UBR4: variants seen among roughly 807,000 people sequenced by gnomAD.
UBR4 encodes ubiquitin protein ligase E3 component n-recognin 4, also known as E3 ubiquitin-protein ligase UBR4.
Under a neutral mutation model 575.6 loss-of-function variants are expected in UBR4, and 124 were observed. That is an observed-to-expected ratio of 0.22 (90% CI 0.19 to 0.25). The LOEUF is 0.25. UBR4 is among the 10% of genes least tolerant of loss of function. The probability of loss-of-function intolerance (pLI) is 1.00; values close to 1 mark genes in which losing one functional copy is unlikely to be tolerated. For synonymous variants in UBR4, 2,455 were observed against 2,473.7 expected (o/e 0.99, Z 0.22); for missense variants, 4,818 against 6,478.8 (o/e 0.74, Z 8.80).
At chr1:19,105,286 G>T in intron 84 of UBR4, 97 bp from the exon 85 acceptor site, 1 of 1,402,186 alleles carries the variant, frequency 7.1e-7, no homozygotes, top group Non-Finnish European at 9.6e-7. Flanking sequence ...CCTATCTTCT[G>T]CTGTCTGTCT....
At chr1:19,103,641 A>ACT (rs747248115) in intron 87 of UBR4, among the ~76,000 whole-genome samples, 2 of 152,242 alleles carry the variant, frequency 1.3e-5, no homozygotes, top group Non-Finnish European at 2.9e-5. Context: ...ACATTTGCAC[A>ACT]CAGTGAAGAA....
At chr1:19,124,720 G>C in intron 64 of UBR4, 30 bp from the exon 65 acceptor site, 1 of 1,599,944 alleles carries the variant, frequency 6.3e-7, no homozygotes. Flanking sequence ...ATGAGAACCT[G>C]TGACTATCGA....
At chr1:19,170,195 G>C (rs1433334254) in intron 26 of UBR4, among the ~76,000 whole-genome samples, 2 of 152,124 alleles carry the variant, frequency 1.3e-5, no homozygotes, top group Non-Finnish European at 2.9e-5. Flanking sequence ...TAAATGAAAA[G>C]AACACCAGCC....
intron 60 of UBR4, among the ~76,000 whole-genome samples, chr1:19,133,122 T>C (rs2082728857): frequency 6.6e-6 from 1 of 152,148 alleles, no homozygotes; most frequent in Non-Finnish European, 1.5e-5. Context: ...GCCAGAATAA[T>C]GTGAATACCA....
rs780086479 is a variant in UBR4 at position 19,081,467 on chromosome 1, T to C, written c.15115A>G (p.Thr5039Ala). 1 of 1,613,844 alleles carries C rather than the reference T, an allele frequency of 6.2e-7. No homozygotes were observed. Among genetic ancestry groups the C allele is most frequent in the Non-Finnish European group, 8.5e-7 (1 of 1,179,990 alleles). Residue 5039 changes from threonine (T) to alanine (A), a missense_variant, in exon 103 of 106, where the codon ACA (threonine) becomes GCA (alanine). Around this residue, in one of 29 missense-constraint regions of UBR4, gnomAD observed 212 missense variants for 221.3 expected, o/e 0.96. Transcript: ENST00000375254. ...AFEVDGPYYF[T>A]VLALHILPPE... ...GGCAGGATGTGAAGGGCCAAGACTG[T>C]GAAATAGTAGGGCCCGTCCACTTCA...
At chr1:19,201,847 T>C (rs373898357) in intron 1 of UBR4, 32 bp from the exon 2 acceptor site, 5 of 1,592,536 alleles carry the variant, frequency 3.1e-6, no homozygotes, top group Non-Finnish European at 2.6e-6. Flanking sequence ...AGCCAGCATC[T>C]GCTTAGCGCT....
intron 22 of UBR4, 93 bp downstream of exon 22, chr1:19,174,226 A>G (rs2089976041): frequency 1.3e-6 from 2 of 1,497,306 alleles, no homozygotes; most frequent in Middle Eastern, 1.8e-4. Flanking sequence ...ATCAATATTC[A>G]ATAAACTGGT....
chr1:19,113,435 G>T, intron 77 of UBR4: 1 of 494,752 alleles, frequency 2.0e-6, no homozygotes, highest in Non-Finnish European at 3.5e-6. Flanking sequence ...GTTGTTAATG[G>T]CTAAAAAAAA....
intron 103 of UBR4, 129 bp downstream of exon 103, chr1:19,081,220 G>A: frequency 1.3e-6 from 1 of 796,698 alleles, no homozygotes; most frequent in Non-Finnish European, 2.0e-6. Context: ...ACTGAGAAGG[G>A]AGAAGGGCTG....
In UBR4 at chr1:19,117,749, T is replaced by C. The variant is rs2080709902; in HGVS notation, c.10629+74A>G. 2 of 1,375,808 alleles carry C rather than the reference T, an allele frequency of 1.5e-6. No homozygotes were observed. The highest frequency in any genetic ancestry group is 1.7e-5 in the Admixed American group (1 of 57,566). 85.2% of individuals were successfully genotyped at this position (1,375,808 alleles called of 1,614,324 possible). ...TAGGAGAGGAACATCTATGTGATAA[T>C]GATCCATCTCTGGAAACAAGAATCC... is the stretch of plus-strand genomic sequence containing the variant. On this transcript the variant is annotated intron_variant, in intron 72 of 105. Transcript: ENST00000375254. This position sits in a 1 kb window ranked among gnomAD's most constrained non-coding sequence, Gnocchi z 4.0.
In UBR4 at chr1:19,081,025, G is replaced by A. The variant is rs538669987; in HGVS notation, c.15233+324C>T. On this transcript the variant is annotated intron_variant, in intron 103 of 105. Coordinates refer to ENST00000375254, the MANE Select transcript of UBR4 (RefSeq NM_020765.3). ...TGGCTTATGCCAACACCAGCAAGAT[G>A]TGGAAAACCTGATTACTGTTCTTAG... 40 of 227,558 alleles carry A rather than the reference G, an allele frequency of 1.8e-4. 1 individual carries two copies. In the East Asian group the frequency reaches 2.9e-3, roughly 17 times the overall value. The allele number at this position is 227,558 out of a possible 1,614,324, so 14.1% of individuals were successfully genotyped here. A position where few individuals can be genotyped will look rare whatever the true frequency, so the allele number is the denominator to read the frequency against.
At chr1:19,197,557 G>A (rs2092534913) in intron 7 of UBR4, 113 bp downstream of exon 7, 1 of 1,431,320 alleles carries the variant, frequency 7.0e-7, no homozygotes, top group Admixed American at 2.0e-5. Context: ...TGAACCAGGA[G>A]ACGAGGTTAC....
At chr1:19,148,181 GAACT>G (rs2085132404) in intron 50 of UBR4, 54 bp from the exon 51 acceptor site, 4 of 1,561,602 alleles carry the variant, frequency 2.6e-6, no homozygotes, top group Non-Finnish European at 3.5e-6. Flanking sequence ...AAGGCAGAAT[GAACT>G]ATCTACACTC....
In UBR4 at chr1:19,088,005, A is replaced by T. The variant is rs2077181479; in HGVS notation, c.14431-76T>A. The T allele has an allele frequency of 8.6e-7, 1 of 1,161,582 alleles. No homozygotes were observed. Among genetic ancestry groups the T allele is most frequent in the Non-Finnish European group, 1.3e-6 (1 of 793,976 alleles). 72.0% of individuals were successfully genotyped at this position (1,161,582 alleles called of 1,614,324 possible). ...CCACCCTAGCTTGGAGATGCTCAGGAACAGGGCTAACCTTCTACCTCCACT... is the reference window on the plus strand; with the variant it reads ...CCACCCTAGCTTGGAGATGCTCAGGTACAGGGCTAACCTTCTACCTCCACT... On this transcript the variant is annotated intron_variant, in intron 98 of 105. Coordinates refer to ENST00000375254, the MANE Select transcript of UBR4 (RefSeq NM_020765.3). This position sits in a 1 kb window ranked among gnomAD's most constrained non-coding sequence, Gnocchi z 4.0.
rs189601596 is a variant in UBR4 at position 19,198,152 on chromosome 1, T to C, written c.649-103A>G. The C allele has an allele frequency of 8.8e-6, 10 of 1,139,678 alleles. No homozygotes were observed. In the East Asian group the frequency reaches 2.4e-4, roughly 27 times the overall value. 70.6% of individuals were successfully genotyped at this position (1,139,678 alleles called of 1,614,324 possible). ...ACGGATACTCTCCAGACTCCCCAGTTAGTGAAGGGAAAATTCCTTACTCAT... is the reference window on the plus strand; with the variant it reads ...ACGGATACTCTCCAGACTCCCCAGTCAGTGAAGGGAAAATTCCTTACTCAT... On this transcript the variant is annotated intron_variant, in intron 5 of 105. Coordinates refer to ENST00000375254, the MANE Select transcript of UBR4 (RefSeq NM_020765.3).
Position 19,198,103 on chromosome 1 carries a change from C to A in UBR4, c.649-54G>T, listed in dbSNP as rs1224045115. 2.6e-6 allele frequency: 4 copies of A among 1,557,172 alleles called. No homozygotes were observed. The East Asian group carries it at 6.8e-5, about 26-fold the overall frequency. ...TACTATTATCTCTTCACCAAACCAACTGTCAAAAGTGAGCAGTAGCTGCAC... is the reference window on the plus strand; with the variant it reads ...TACTATTATCTCTTCACCAAACCAAATGTCAAAAGTGAGCAGTAGCTGCAC... On this transcript the variant is annotated intron_variant, in intron 5 of 105. Transcript: ENST00000375254.
At chr1:19,150,449 G>T in intron 49 of UBR4, 128 bp downstream of exon 49, 1 of 1,072,344 alleles carries the variant, frequency 9.3e-7, no homozygotes, top group Non-Finnish European at 1.4e-6. Context: ...CGAGTTGTAT[G>T]AAAACTTAAA....
At position 19,157,159 on chromosome 1, in the gene UBR4, A is replaced by G. The variant is rs553446631; in HGVS notation, c.5761-234T>C. On this transcript the variant is annotated intron_variant, in intron 40 of 105. Transcript: ENST00000375254. The surrounding 1 kb of genome is among the most constrained non-coding windows in gnomAD (Gnocchi z 4.4). Reference sequence around the variant, plus strand: ...AGTAATGAAAACAATTTCTCTTTATATAGTTCACAAAATAGTTTAAGAATA... The same window carrying G: ...AGTAATGAAAACAATTTCTCTTTATGTAGTTCACAAAATAGTTTAAGAATA... Among the ~76,000 whole-genome samples the G allele has an allele frequency of 4.4e-4, 67 of 152,352 alleles. No individual in the cohort carries two copies. The highest frequency in any genetic ancestry group is 1.6e-3 in the African/African-American group (65 of 41,580).
Position 19,121,175 on chromosome 1 carries a change from AG to A in UBR4, c.10141+13del. ...ACATCATTGTAGTCACAATGACAAG[AG>A]GGTGACCCTTACCATCTTTCTCCTT... On this transcript the variant is annotated intron_variant, in intron 68 of 105. Coordinates refer to ENST00000375254, the MANE Select transcript of UBR4 (RefSeq NM_020765.3). 6.2e-7 allele frequency: 1 copy of A among 1,612,192 alleles called. No homozygotes were observed. The highest frequency in any genetic ancestry group is 8.5e-7 in the Non-Finnish European group (1 of 1,179,160).
Sources: allele counts gnomAD v4.1 joint callset (sites outside exome capture counted in the v4.1 genomes callset), GRCh38; gene constraint gnomAD v4.1.1; regional missense constraint gnomAD v4.1.1; non-coding constraint Gnocchi (gnomAD v3.1); transcripts MANE v1.5; gene names NCBI Gene and HGNC (gene_info 2026-07-23, HGNC 2026-07-21).